NSG2: variants seen among roughly 807,000 people sequenced by gnomAD.
NSG2 encodes neuronal vesicle trafficking-associated protein 2.
A neutral mutation model predicts 16.9 loss-of-function variants in NSG2; 4 were observed. The observed-to-expected ratio is 0.24, with a 90% confidence interval of 0.12 to 0.54. The LOEUF is 0.54. Ranked by LOEUF, NSG2 falls within the 20% of genes least tolerant of loss-of-function variation. NSG2 has a pLI of 0.95. For synonymous variants in NSG2, 98 were observed against 88.7 expected, an observed-to-expected ratio of 1.11 and a Z score of -0.59; for missense variants, 179 against 221.1, an observed-to-expected ratio of 0.81 and a Z score of 1.21.
rs560272457 is a variant in NSG2, at chr5:174,059,824, A to G, written c.130-4408A>G. ...ATTCCAGGACTAAAGTCTTCAGCAT[A>G]CCATCCAGAGGAAGAATCACTCATG... On this transcript the variant is annotated intron_variant, in intron 2 of 4. Transcript: ENST00000303177. 2.0e-5 allele frequency among the ~76,000 whole-genome samples: 3 copies of G among 152,336 alleles called. No individual in the cohort carries two copies. In the South Asian group the frequency reaches 6.2e-4, roughly 32 times the overall value.
chr5:174,048,200 A>T (rs1759831720), intron 2 of NSG2, among the ~76,000 whole-genome samples: 1 of 152,228 alleles, frequency 6.6e-6, no homozygotes, highest in South Asian at 2.1e-4. Context: ...ATATTAATAG[A>T]GTATGTGCTA....
intron 3 of NSG2, among the ~76,000 whole-genome samples, chr5:174,079,698 G>A (rs2113452618): frequency 6.6e-6 from 1 of 152,282 alleles, no homozygotes; most frequent in South Asian, 2.1e-4. Context: ...ACCTCCCAAA[G>A]CTACAGACTT....
chr5:174,086,225 T>C (rs1411346280), intron 3 of NSG2, among the ~76,000 whole-genome samples: 1 of 152,188 alleles, frequency 6.6e-6, no homozygotes, highest in Non-Finnish European at 1.5e-5. Context: ...GATTGCTGGC[T>C]AACTGACCCC....
intron 3 of NSG2, among the ~76,000 whole-genome samples, chr5:174,098,495 A>G (rs946602448): frequency 6.6e-6 from 1 of 151,898 alleles, no homozygotes; most frequent in Non-Finnish European, 1.5e-5. Flanking sequence ...TGGAACCTCG[A>G]GCTCCTCTTC....
Position 174,107,472 on chromosome 5 carries a change from T to C in NSG2, c.483T>C (p.His161=). The C allele has an allele frequency of 6.2e-7, 1 of 1,612,126 alleles. No individual in the cohort carries two copies. Among genetic ancestry groups the C allele is most frequent in the Non-Finnish European group, 8.5e-7 (1 of 1,178,604 alleles). ...GPWLSAAAVI[H]EPKPPKTQGH is the part of the protein sequence containing the mutation. ...GGCTGTCAGCAGCCGCTGTCATCCA[T>C]GAGCCCAAGCCGCCCAAGACCCAGG... The change falls in exon 5 of 5, where the codon CAT becomes CAC. Residue 161 remains histidine, a synonymous_variant. Transcript: ENST00000303177. The surrounding 1 kb of genome is among the most constrained non-coding windows in gnomAD (Gnocchi z 4.5).
At chr5:174,054,368 G>A (rs892165351) in intron 2 of NSG2, among the ~76,000 whole-genome samples, 25 of 152,306 alleles carry the variant, frequency 1.6e-4, no homozygotes, top group African/African-American at 5.3e-4. Flanking sequence ...CCATAAGAAT[G>A]CGTCGAATTT....
At chr5:174,094,623 G>A (rs903981831) in intron 3 of NSG2, among the ~76,000 whole-genome samples, 1 of 152,210 alleles carries the variant, frequency 6.6e-6, no homozygotes, top group Non-Finnish European at 1.5e-5. Context: ...CCAGCTGTGA[G>A]AGAGAAGCTT....
chr5:174,069,148 T>C (rs1279985747), intron 3 of NSG2, among the ~76,000 whole-genome samples: 1 of 150,902 alleles, frequency 6.6e-6, no homozygotes, highest in African/African-American at 2.4e-5. Context: ...GCTGGTGTGA[T>C]GGTGATCTTG....
chr5:174,053,065 A>T (rs1032088889), intron 2 of NSG2, among the ~76,000 whole-genome samples: 1 of 152,208 alleles, frequency 6.6e-6, no homozygotes, highest in Non-Finnish European at 1.5e-5. Flanking sequence ...AGTAGGCCAC[A>T]TGCACTTCAT....
chr5:174,066,507 T>C (rs1197017887), intron 3 of NSG2, among the ~76,000 whole-genome samples: 1 of 152,242 alleles, frequency 6.6e-6, no homozygotes, highest in Non-Finnish European at 1.5e-5. Flanking sequence ...ATCCATATGA[T>C]GAACTACTTT....
chr5:174,074,702 TCC>T (rs1459974911), intron 3 of NSG2, among the ~76,000 whole-genome samples: 1 of 152,010 alleles, frequency 6.6e-6, no homozygotes, highest in African/African-American at 2.4e-5. Context: ...GCCACTGCCT[TCC>T]TACACTCCCA....
intron 3 of NSG2, among the ~76,000 whole-genome samples, chr5:174,069,500 T>C (rs1351047902): frequency 6.6e-6 from 1 of 152,118 alleles, no homozygotes; most frequent in Non-Finnish European, 1.5e-5. Flanking sequence ...TGCCATATCT[T>C]AGCTTCATGA....
At chr5:174,089,903 G>C (rs1760695512) in intron 3 of NSG2, among the ~76,000 whole-genome samples, 1 of 152,166 alleles carries the variant, frequency 6.6e-6, no homozygotes, top group Non-Finnish European at 1.5e-5. Flanking sequence ...TTATAGGCAT[G>C]AGCCACCACA....
intron 2 of NSG2, among the ~76,000 whole-genome samples, chr5:174,047,955 T>A (rs1256471084): frequency 2.0e-5 from 3 of 152,234 alleles, no homozygotes; most frequent in Non-Finnish European, 4.4e-5. Context: ...TTGTGTGTCT[T>A]AACCAATTGG....
At chr5:174,046,711 C>T (rs1258427963) in intron 1 of NSG2, 23 bp from the exon 2 acceptor site, 24 of 1,612,130 alleles carry the variant, frequency 1.5e-5, no homozygotes, top group Non-Finnish European at 1.9e-5. Context: ...CTGCTGTAAC[C>T]AGAATCCCAC....
At position 174,108,256 on chromosome 5, in the gene NSG2, TC is replaced by T; in HGVS notation, c.*752del. ...CAAACGCTGAGGAGTGGGCAGATTT[TC>T]TTTGTCTTTTGCTTGCATTTTCTAG... On this transcript the variant is annotated 3_prime_UTR_variant, in exon 5 of 5. Transcript: ENST00000303177. 6.3e-6 allele frequency: 1 copy of T among 158,562 alleles called. No homozygotes were observed. The highest frequency in any genetic ancestry group is 1.4e-5 in the Non-Finnish European group (1 of 71,448). The allele number at this position is 158,562 out of a possible 1,614,324, so 9.8% of individuals were successfully genotyped here.
chr5:174,090,255 G>A (rs375388039), intron 3 of NSG2, among the ~76,000 whole-genome samples: 3 of 152,292 alleles, frequency 2.0e-5, no homozygotes, highest in East Asian at 3.9e-4. Context: ...AAGAGCATGA[G>A]GCAACGTCGA....
chr5:174,100,017 T>C (rs68171940), intron 3 of NSG2, among the ~76,000 whole-genome samples: 17,569 of 152,256 alleles, frequency 0.12, 1,362 homozygotes, highest in African/African-American at 0.21. Context: ...TAGGGAATGA[T>C]TGGCCTTCAG....
chr5:174,066,475 G>T (rs1371093229), intron 3 of NSG2, among the ~76,000 whole-genome samples: 4 of 152,154 alleles, frequency 2.6e-5, no homozygotes, highest in African/African-American at 9.7e-5. Flanking sequence ...CAACTTTCTT[G>T]TGATTTCATA....
Sources: gnomAD v4.1 joint callset for allele counts (sites outside exome capture counted in the v4.1 genomes callset) on GRCh38, gnomAD v4.1.1 for gene constraint, Gnocchi (gnomAD v3.1) non-coding constraint, MANE v1.5 for transcripts, NCBI Gene and HGNC (gene_info 2026-07-23, HGNC 2026-07-21) for gene names.